Variants in TTBK2 observed in about 807,000 individuals in gnomAD.
TTBK2 encodes tau-tubulin kinase 2.
TTBK2 carries 28 observed loss-of-function variants against 110.8 expected under a neutral mutation model. That is an observed-to-expected ratio of 0.25 (90% CI 0.19 to 0.35). The LOEUF is 0.35. TTBK2 is among the 10% of genes least tolerant of loss of function. The pLI is 1.00. For missense variants in TTBK2, 1,369 were observed against 1,500.3 expected, an observed-to-expected ratio of 0.91 and a Z score of 1.45; for synonymous variants, 532 against 527.3, an observed-to-expected ratio of 1.01 and a Z score of -0.12.
rs544451996 is a variant in TTBK2 at position 42,753,948 on chromosome 15, T to C, written c.1999-701A>G. 3.5e-4 allele frequency among the ~76,000 whole-genome samples: 54 copies of C among 152,298 alleles called. No individual in the cohort carries two copies. In the South Asian group the frequency reaches 5.0e-3, roughly 14 times the overall value. The stretch of plus-strand genomic sequence containing the variant: ...ACAGGAAAAAATTATTGGCAAATAA[T>C]TGTTCATTGAAAAACTCCAAATTTG... On this transcript the variant is annotated intron_variant, in intron 13 of 14. Coordinates refer to ENST00000267890, the MANE Select transcript of TTBK2 (RefSeq NM_173500.4).
At chr15:42,822,076 C>T (rs1428893872) in intron 6 of TTBK2, among the ~76,000 whole-genome samples, 3 of 152,272 alleles carry the variant, frequency 2.0e-5, no homozygotes, top group Admixed American at 2.0e-4. Context: ...TGTATCTCTT[C>T]TTTGATAAAA....
chr15:42,739,225 CGCCT>C lies in TTBK2; in HGVS notation c.*6566_*6569del, dbSNP rs1290509922. 1 of 152,106 alleles carries C rather than the reference CGCCT, an allele frequency of 6.6e-6. No homozygotes were observed. The highest frequency in any genetic ancestry group is 1.5e-5 in the Non-Finnish European group (1 of 68,028). 9.4% of individuals were successfully genotyped at this position (152,106 alleles called of 1,614,324 possible). On this transcript the variant is annotated 3_prime_UTR_variant, in exon 15 of 15. Transcript: ENST00000267890. ...TGGAGGGGAAAGGAACACAATAAAA[CGCCT>C]CTGGAGGTATTTCAAAGAGTAGTTT...
chr15:42,844,591 C>A (rs532602553), intron 3 of TTBK2, among the ~76,000 whole-genome samples: 3 of 152,294 alleles, frequency 2.0e-5, no homozygotes, highest in Admixed American at 6.5e-5. Flanking sequence ...GATATGCACA[C>A]ATAATATGCA....
chr15:42,819,644 C>A (rs1280445871), intron 6 of TTBK2, among the ~76,000 whole-genome samples: 1 of 152,096 alleles, frequency 6.6e-6, no homozygotes, highest in East Asian at 1.9e-4. Flanking sequence ...CAATCATAGT[C>A]AGTGGATCTC....
chr15:42,818,302 G>A (rs942172170), intron 6 of TTBK2, among the ~76,000 whole-genome samples: 9 of 152,148 alleles, frequency 5.9e-5, no homozygotes, highest in South Asian at 2.1e-4. Context: ...AACTCTGTGC[G>A]GGCGAGGTCT....
chr15:42,862,850 T>TA (rs1894213431), intron 3 of TTBK2, among the ~76,000 whole-genome samples: 1 of 152,106 alleles, frequency 6.6e-6, no homozygotes, highest in Admixed American at 6.6e-5. Flanking sequence ...ATCGCACCAT[T>TA]ACACTCCAGC....
In TTBK2 at chr15:42,752,356, C is replaced by T. The variant is rs2061877620; in HGVS notation, c.2890G>A (p.Ala964Thr). The T allele has an allele frequency of 6.2e-7, 1 of 1,614,074 alleles. No individual in the cohort carries two copies. The highest frequency in any genetic ancestry group is 2.2e-5 in the East Asian group (1 of 44,904). ...STLESSSPVSAKEKLLQKKAY... is the reference protein window; with the variant it reads ...STLESSSPVSTKEKLLQKKAY... The stretch of plus-strand genomic sequence containing the variant: ...TTCTTTTGGAGGAGCTTTTCTTTTG[C>T]AGAAACTGGAGAGGATGATTCCAAA... Residue 964 changes from alanine to threonine, a missense_variant, in exon 14 of 15, where the codon GCA becomes ACA. Physicochemically the swap from Ala to Thr is moderately conservative, Grantham distance 58. Around this residue, in one of 4 missense-constraint regions of TTBK2, gnomAD observed 1,097 missense variants for 1,114.7 expected, o/e 0.98. Coordinates refer to ENST00000267890, the MANE Select transcript of TTBK2 (RefSeq NM_173500.4).
chr15:42,780,765 A>G (rs1359881225), intron 11 of TTBK2, among the ~76,000 whole-genome samples: 3 of 152,166 alleles, frequency 2.0e-5, no homozygotes, highest in Non-Finnish European at 4.4e-5. Context: ...CAGGAGTTCG[A>G]GACCATCCTG....
intron 3 of TTBK2, chr15:42,871,639 A>G (rs1373882046): frequency 3.1e-6 from 3 of 972,190 alleles, no homozygotes; most frequent in African/African-American, 3.5e-5. Context: ...ACAACAACTC[A>G]AGAGAAATGT....
chr15:42,854,469 G>C (rs1213481021), intron 3 of TTBK2, among the ~76,000 whole-genome samples: 8 of 152,068 alleles, frequency 5.3e-5, no homozygotes, highest in African/African-American at 1.9e-4. Context: ...AAACCTTATT[G>C]AGTTCAAAGT....
chr15:42,883,451 G>A (rs1895126613), intron 1 of TTBK2, among the ~76,000 whole-genome samples: 1 of 151,038 alleles, frequency 6.6e-6, no homozygotes, highest in Non-Finnish European at 1.5e-5. Flanking sequence ...TTAGGTTTCT[G>A]CGTTATTTTA....
chr15:42,891,873 G>A (rs1895470927), intron 1 of TTBK2, among the ~76,000 whole-genome samples: 1 of 152,154 alleles, frequency 6.6e-6, no homozygotes, highest in South Asian at 2.1e-4. Flanking sequence ...TTGTGGGACT[G>A]AGCCCTGTAA....
At chr15:42,820,233 C>G (rs1892234055) in intron 6 of TTBK2, among the ~76,000 whole-genome samples, 1 of 152,136 alleles carries the variant, frequency 6.6e-6, no homozygotes, top group East Asian at 1.9e-4. Context: ...GTAGTAAAGA[C>G]AACTCAAACC....
intron 13 of TTBK2, among the ~76,000 whole-genome samples, chr15:42,764,611 G>C (rs539414088): frequency 5.9e-5 from 9 of 152,356 alleles, no homozygotes; most frequent in African/African-American, 1.9e-4. Flanking sequence ...AGGGAAGCTC[G>C]AACTGGGCAG....
intron 9 of TTBK2, chr15:42,802,121 G>C (rs1391081073): frequency 6.9e-7 from 1 of 1,453,558 alleles, no homozygotes; most frequent in South Asian, 1.1e-5. Context: ...TTGTTGTTGA[G>C]GGTCTTGATC....
At chr15:42,910,322 T>C (rs140433299) in intron 1 of TTBK2, among the ~76,000 whole-genome samples, 43 of 150,828 alleles carry the variant, frequency 2.9e-4, no homozygotes, top group Admixed American at 8.6e-4. Flanking sequence ...GAAATATAGG[T>C]TTGCAGTAAA....
At chr15:42,920,293 G>C (rs1002818387) in intron 1 of TTBK2, 145 bp downstream of exon 1, 1 of 152,222 alleles carries the variant, frequency 6.6e-6, no homozygotes, top group Non-Finnish European at 1.5e-5. Flanking sequence ...GGTCTGGCAC[G>C]AGCCCCGGGC....
At chr15:42,818,846 G>A (rs1207207196) in intron 6 of TTBK2, among the ~76,000 whole-genome samples, 1 of 143,536 alleles carries the variant, frequency 7.0e-6, no homozygotes, top group Non-Finnish European at 1.6e-5. Flanking sequence ...GGAGTGCAGT[G>A]GTGCGATCTC....
intron 1 of TTBK2, among the ~76,000 whole-genome samples, chr15:42,878,955 G>A (rs1354982964): frequency 6.6e-6 from 1 of 152,036 alleles, no homozygotes; most frequent in Non-Finnish European, 1.5e-5. Flanking sequence ...TAGATTATAG[G>A]GCAAGCATGA....
Sources: gnomAD v4.1 joint callset for allele counts (sites outside exome capture counted in the v4.1 genomes callset) on GRCh38, gnomAD v4.1.1 for gene constraint, gnomAD v4.1.1 regional missense constraint, MANE v1.5 for transcripts, NCBI Gene and HGNC (gene_info 2026-07-23, HGNC 2026-07-21) for gene names.